The following CHRM3 variants were observed in gnomAD, a reference collection of about 807,000 sequenced individuals.
The protein encoded by CHRM3 is cholinergic receptor muscarinic 3, also known as muscarinic acetylcholine receptor M3.
Under a neutral mutation model 41.8 loss-of-function variants are expected in CHRM3, and 11 were observed. That is an observed-to-expected ratio of 0.26 (90% CI 0.17 to 0.44). The LOEUF is 0.44. Ranked by LOEUF, CHRM3 falls within the 20% of genes least tolerant of loss-of-function variation. The pLI, the probability that CHRM3 is intolerant of heterozygous loss-of-function variation, is 1.00. For missense variants in CHRM3, 571 were observed against 745.4 expected (o/e 0.77, Z 2.72); for synonymous variants, 297 against 301.4 (o/e 0.99, Z 0.15).
chr1:239,532,148 G>C (rs1168434194), intron 2 of CHRM3, among the ~76,000 whole-genome samples: 3 of 145,856 alleles, frequency 2.1e-5, no homozygotes, highest in Non-Finnish European at 3.0e-5. Flanking sequence ...GAGTAGCTGG[G>C]ACTACAGGCG....
intron 3 of CHRM3, among the ~76,000 whole-genome samples, chr1:239,613,986 T>A (rs551855258): frequency 6.6e-6 from 1 of 151,782 alleles, no homozygotes; most frequent in Non-Finnish European, 1.5e-5. Flanking sequence ...GAAATACCCC[T>A]CTCTACAAAA....
intron 4 of CHRM3, among the ~76,000 whole-genome samples, chr1:239,636,496 A>G (rs142231864): frequency 2.0e-3 from 300 of 152,336 alleles, no homozygotes; most frequent in African/African-American, 6.7e-3. Context: ...AAAACGTCTT[A>G]TCTGTCAATT....
chr1:239,555,382 C>T (rs1484860715), intron 3 of CHRM3, among the ~76,000 whole-genome samples: 3 of 152,048 alleles, frequency 2.0e-5, no homozygotes, highest in East Asian at 1.9e-4. Flanking sequence ...TAAACATTAC[C>T]GTATTAGAAA....
chr1:239,420,777 C>A (rs2103098507), intron 1 of CHRM3, among the ~76,000 whole-genome samples: 1 of 152,118 alleles, frequency 6.6e-6, no homozygotes, highest in East Asian at 1.9e-4. Context: ...TTAAATGTAT[C>A]TTTTACCTCA....
chr1:239,478,970 C>G (rs1266675219), intron 1 of CHRM3, among the ~76,000 whole-genome samples: 2 of 151,984 alleles, frequency 1.3e-5, no homozygotes, highest in Non-Finnish European at 2.9e-5. Context: ...ATCACTTGAG[C>G]CTAGGCATTT....
At chr1:239,576,256 C>T (rs1662322211) in intron 3 of CHRM3, among the ~76,000 whole-genome samples, 1 of 137,450 alleles carries the variant, frequency 7.3e-6, no homozygotes, top group African/African-American at 2.4e-5. Context: ...ACTTCCTAAA[C>T]CCTCTACTCC....
At chr1:239,862,535 A>C (rs987676199) in intron 6 of CHRM3, among the ~76,000 whole-genome samples, 3 of 152,228 alleles carry the variant, frequency 2.0e-5, no homozygotes, top group African/African-American at 7.2e-5. Context: ...ATGAAAAAAA[A>C]AGATTGAAAT....
At chr1:239,406,449 A>T (rs1359701556) in intron 1 of CHRM3, among the ~76,000 whole-genome samples, 1 of 152,236 alleles carries the variant, frequency 6.6e-6, no homozygotes, top group East Asian at 1.9e-4. Context: ...CATCAGCTAT[A>T]GGAGTCCAAA....
At chr1:239,599,164 G>A (rs1303751553) in intron 3 of CHRM3, among the ~76,000 whole-genome samples, 2 of 152,018 alleles carry the variant, frequency 1.3e-5, no homozygotes, top group African/African-American at 4.8e-5. Flanking sequence ...TTTCTGCTCT[G>A]CCAACTGCAA....
chr1:239,554,454 G>A (rs1287588765), intron 3 of CHRM3, among the ~76,000 whole-genome samples: 3 of 150,424 alleles, frequency 2.0e-5, no homozygotes, highest in African/African-American at 5.0e-5. Flanking sequence ...GGCATAGAAT[G>A]TGTGTGTGTG....
At chr1:239,609,586 G>A (rs1475014408) in intron 3 of CHRM3, among the ~76,000 whole-genome samples, 1 of 152,056 alleles carries the variant, frequency 6.6e-6, no homozygotes, top group Non-Finnish European at 1.5e-5. Flanking sequence ...TTTTCAAAAC[G>A]GTTATAGCAT....
chr1:239,757,682 AT>A (rs2148625715), intron 5 of CHRM3, among the ~76,000 whole-genome samples: 1 of 152,156 alleles, frequency 6.6e-6, no homozygotes, highest in African/African-American at 2.4e-5. Flanking sequence ...TGAATCGTAT[AT>A]TTTTTATGTA....
At chr1:239,618,564 G>A (rs1047053162) in intron 3 of CHRM3, among the ~76,000 whole-genome samples, 5 of 151,760 alleles carry the variant, frequency 3.3e-5, no homozygotes, top group African/African-American at 1.2e-4. Context: ...AGTCAAGATG[G>A]CCGGGCGCGG....
At chr1:239,815,670 G>A (rs1224804086) in intron 5 of CHRM3, among the ~76,000 whole-genome samples, 2 of 152,196 alleles carry the variant, frequency 1.3e-5, no homozygotes, top group Admixed American at 1.3e-4. Flanking sequence ...GTCTAATTCA[G>A]CCTACTGGTA....
At chr1:239,511,724 A>G (rs1456160290) in intron 2 of CHRM3, among the ~76,000 whole-genome samples, 2 of 152,228 alleles carry the variant, frequency 1.3e-5, no homozygotes, top group Admixed American at 1.3e-4. Flanking sequence ...CGTACAAAGT[A>G]CAGATTAATA....
intron 1 of CHRM3, among the ~76,000 whole-genome samples, chr1:239,416,844 G>A (rs1661539765): frequency 6.6e-6 from 1 of 152,184 alleles, no homozygotes; most frequent in Non-Finnish European, 1.5e-5. Context: ...AGAAAAGGAA[G>A]ATAAACTACC....
chr1:239,525,399 T>G (rs755440763), intron 2 of CHRM3, among the ~76,000 whole-genome samples: 10 of 152,234 alleles, frequency 6.6e-5, no homozygotes, highest in Non-Finnish European at 1.5e-4. Context: ...TGTTGCTGTA[T>G]CCTGATTTGA....
rs1673173225 is a variant in CHRM3 at position 239,661,319 on chromosome 1, A to G, written c.-249-16867A>G. On this transcript the variant is annotated intron_variant, in intron 4 of 6. Coordinates refer to ENST00000676153, the MANE Select transcript of CHRM3 (RefSeq NM_001375978.1). ...CTGCTCCTTTGTAGTCTTAGCAAGC[A>G]CTTAACAACATATTTTAGGTAGTAT... Among the ~76,000 whole-genome samples, 3 of 152,250 alleles carry G rather than the reference A, an allele frequency of 2.0e-5. No homozygotes were observed. The South Asian group carries it at 6.2e-4, about 31-fold the overall frequency.
chr1:239,686,092 A>G (rs987871673), intron 5 of CHRM3, among the ~76,000 whole-genome samples: 1 of 152,168 alleles, frequency 6.6e-6, no homozygotes, highest in Non-Finnish European at 1.5e-5. Flanking sequence ...ATGCTCTTTA[A>G]TAGTCTCCTT....
Sources: gnomAD v4.1 joint callset for allele counts (sites outside exome capture counted in the v4.1 genomes callset) on GRCh38, gnomAD v4.1.1 for gene constraint, MANE v1.5 for transcripts, NCBI Gene and HGNC (gene_info 2026-07-23, HGNC 2026-07-21) for gene names.